RYR3: variants seen among roughly 807,000 people sequenced by gnomAD.
RYR3 encodes brain ryanodine receptor-calcium release channel.
RYR3 carries 207 observed loss-of-function variants against 584.3 expected under a neutral mutation model. The ratio of observed to expected loss-of-function variants is 0.35; its 90% CI spans 0.32 to 0.40. The LOEUF is 0.40. Ranked by LOEUF, RYR3 falls within the 10% of genes least tolerant of loss-of-function variation. The pLI, the probability that RYR3 is intolerant of heterozygous loss-of-function variation, is 1.00. For missense variants in RYR3, 5,616 were observed against 6,089.2 expected (o/e 0.92, Z 2.59); for synonymous variants, 2,416 against 2,248.5 (o/e 1.07, Z -2.11).
rs1344670787 is a variant in RYR3 at position 33,767,493 on chromosome 15, C to T, written c.8706-1165C>T. 2.8e-4 allele frequency among the ~76,000 whole-genome samples: 42 copies of T among 150,524 alleles called. No homozygotes were observed. In the Admixed American group the frequency reaches 2.8e-3, roughly 10 times the overall value. ...CATGGGAACTTTTGTTGTGATTTTC[C>T]AGTAGACAGTCCAAAAAGACTCAGG... On this transcript the variant is annotated intron_variant, in intron 60 of 103. Transcript: ENST00000634891.
At chr15:33,558,468 G>C (rs2057222411) in intron 10 of RYR3, among the ~76,000 whole-genome samples, 1 of 151,748 alleles carries the variant, frequency 6.6e-6, no homozygotes, top group Non-Finnish European at 1.5e-5. Flanking sequence ...TGGTGTATAT[G>C]TGCCACATTT....
At chr15:33,406,376 A>G (rs915391793) in intron 1 of RYR3, among the ~76,000 whole-genome samples, 3 of 152,206 alleles carry the variant, frequency 2.0e-5, no homozygotes, top group South Asian at 2.1e-4. Context: ...CCTCTCAGGA[A>G]TCTTTCAGCT....
rs528965407 is a variant in RYR3, at chr15:33,848,159, A to C, written c.13498-132A>C. On this transcript the variant is annotated intron_variant, in intron 93 of 103. Coordinates refer to ENST00000634891, the MANE Select transcript of RYR3 (RefSeq NM_001036.6). ...TTCATTTGGCTTTGATCCCACAACT[A>C]GGCACTCTAAGAATTCCACTATAAG... The C allele has an allele frequency of 2.7e-6, 3 of 1,102,300 alleles. No individual in the cohort carries two copies. In the African/African-American group the frequency reaches 4.7e-5, roughly 17 times the overall value. 68.3% of individuals were successfully genotyped at this position (1,102,300 alleles called of 1,614,324 possible).
chr15:33,524,606 A>G (rs1221130360), intron 3 of RYR3, among the ~76,000 whole-genome samples: 1 of 152,200 alleles, frequency 6.6e-6, no homozygotes. Flanking sequence ...GCTTTGCAAA[A>G]GGGTTGTATT....
chr15:33,445,743 C>A (rs543927670), intron 1 of RYR3, among the ~76,000 whole-genome samples: 1 of 147,592 alleles, frequency 6.8e-6, no homozygotes, highest in East Asian at 2.0e-4. Context: ...CTGGAAGCAA[C>A]ACAAAGGAAG....
intron 1 of RYR3, among the ~76,000 whole-genome samples, chr15:33,468,779 G>A (rs2048687314): frequency 6.6e-6 from 1 of 152,170 alleles, no homozygotes; most frequent in South Asian, 2.1e-4. Flanking sequence ...ATCATGATAG[G>A]CAGAAATGTG....
chr15:33,808,323 C>T (rs1270557480), intron 70 of RYR3, among the ~76,000 whole-genome samples: 3 of 152,158 alleles, frequency 2.0e-5, no homozygotes, highest in Non-Finnish European at 2.9e-5. Context: ...TGACTGGTTT[C>T]AGGGGTTTTG....
intron 36 of RYR3, among the ~76,000 whole-genome samples, chr15:33,668,786 TG>T (rs1186053286): frequency 6.6e-6 from 1 of 152,228 alleles, no homozygotes; most frequent in Non-Finnish European, 1.5e-5. Flanking sequence ...CTAGTCATTT[TG>T]CTTCTGGGAG....
chr15:33,707,311 C>T (rs1374603056), intron 43 of RYR3, among the ~76,000 whole-genome samples: 7 of 152,074 alleles, frequency 4.6e-5, no homozygotes, highest in Admixed American at 1.3e-4. Context: ...AGAAACTCAC[C>T]GCAGAGAGGT....
chr15:33,613,403 A>C (rs1489620333), intron 19 of RYR3, 28 bp downstream of exon 19: 11 of 1,563,746 alleles, frequency 7.0e-6, no homozygotes, highest in Non-Finnish European at 9.5e-6. Context: ...TTTCATGGAG[A>C]GTAGCAGTTA....
intron 49 of RYR3, among the ~76,000 whole-genome samples, chr15:33,738,013 C>T (rs906127260): frequency 6.6e-6 from 1 of 152,108 alleles, no homozygotes; most frequent in African/African-American, 2.4e-5. Flanking sequence ...TTCAGACCCA[C>T]GACTTGCAGC....
intron 1 of RYR3, among the ~76,000 whole-genome samples, chr15:33,380,001 T>C (rs1194015467): frequency 1.3e-5 from 2 of 151,882 alleles, no homozygotes; most frequent in African/African-American, 4.8e-5. Flanking sequence ...AACCAGAAGA[T>C]TCAGCAAGCA....
intron 1 of RYR3, among the ~76,000 whole-genome samples, chr15:33,367,246 T>C (rs1975636425): frequency 6.6e-6 from 1 of 152,218 alleles, no homozygotes; most frequent in Non-Finnish European, 1.5e-5. Flanking sequence ...GTTCAGAAAG[T>C]ATGAAGAAAA....
intron 11 of RYR3, among the ~76,000 whole-genome samples, chr15:33,565,444 G>A (rs1045201601): frequency 3.3e-5 from 5 of 152,022 alleles, no homozygotes; most frequent in African/African-American, 7.2e-5. Flanking sequence ...TGAACAAGCC[G>A]GTATTCTATT....
rs76466959 is a variant in RYR3 at position 33,746,851 on chromosome 15, C to T, written c.7989+694C>T. Among the ~76,000 whole-genome samples the T allele has an allele frequency of 1.3e-4, 19 of 146,092 alleles. No homozygotes were observed. The East Asian group carries it at 1.9e-3, about 14-fold the overall frequency. ...TGAGGCAGGGTCTCGTTCTGTCACT[C>T]AGTCTAGAGTGTAGTGGTGTGATCT... On this transcript the variant is annotated intron_variant, in intron 53 of 103. Coordinates refer to ENST00000634891, the MANE Select transcript of RYR3 (RefSeq NM_001036.6).
At chr15:33,541,491 A>AAATGT (rs1438362846) in intron 7 of RYR3, among the ~76,000 whole-genome samples, 1 of 152,188 alleles carries the variant, frequency 6.6e-6, no homozygotes. Flanking sequence ...GTTGTGTAAT[A>AAATGT]AATGTACTGG....
chr15:33,576,420 T>C (rs1414649956), intron 12 of RYR3, among the ~76,000 whole-genome samples: 2 of 152,166 alleles, frequency 1.3e-5, no homozygotes, highest in African/African-American at 4.8e-5. Flanking sequence ...TTATCTAGCA[T>C]GATCAAGTTG....
intron 18 of RYR3, among the ~76,000 whole-genome samples, chr15:33,608,317 T>C (rs1268312591): frequency 6.6e-6 from 1 of 152,156 alleles, no homozygotes; most frequent in Non-Finnish European, 1.5e-5. Flanking sequence ...TGCAGCTCAG[T>C]CAAAAGGATT....
chr15:33,636,643 C>T, intron 27 of RYR3, 93 bp downstream of exon 27: 2 of 1,115,272 alleles, frequency 1.8e-6, no homozygotes, highest in Non-Finnish European at 2.6e-6. Flanking sequence ...CTTATTCGGT[C>T]TACACTGTCC....
Sources: allele counts gnomAD v4.1 joint callset (sites outside exome capture counted in the v4.1 genomes callset), GRCh38; gene constraint gnomAD v4.1.1; transcripts MANE v1.5; gene names NCBI Gene and HGNC (gene_info 2026-07-23, HGNC 2026-07-21).